Variants in RMDN2 observed in about 807,000 individuals in gnomAD.
The protein encoded by RMDN2 is regulator of microtubule dynamics 2.
RMDN2 carries 61 observed loss-of-function variants against 52.8 expected under a neutral mutation model. That is an observed-to-expected ratio of 1.16 (90% CI 0.94 to 1.43). The LOEUF is 1.43. Among genes scored for constraint, RMDN2 ranks in the 40% most tolerant of loss-of-function variants. The pLI, the probability that RMDN2 is intolerant of heterozygous loss-of-function variation, is 0.00. For synonymous variants in RMDN2, 180 were observed against 153.1 expected (o/e 1.18, Z -1.30); for missense variants, 592 against 475.3 (o/e 1.25, Z -2.28).
intron 2 of RMDN2, among the ~76,000 whole-genome samples, chr2:37,968,438 C>CAAA (rs71400332): frequency 4.9e-4 from 44 of 89,108 alleles, no homozygotes; most frequent in Admixed American, 6.8e-4. Context: ...GACTCTGTCT[C>CAAA]AAAAAAAAAA....
intron 10 of RMDN2, among the ~76,000 whole-genome samples, chr2:38,044,158 T>C (rs1681128253): frequency 6.6e-6 from 1 of 152,092 alleles, no homozygotes. Context: ...ATAATTTCAC[T>C]GGATACAGAA....
chr2:37,977,984 G>A (rs1423524233), intron 4 of RMDN2, among the ~76,000 whole-genome samples: 3 of 152,136 alleles, frequency 2.0e-5, no homozygotes, highest in Admixed American at 1.3e-4. Flanking sequence ...GGGAGGTGGA[G>A]ACTGTAGTGA....
At chr2:37,932,072 T>C (rs997828717) in intron 2 of RMDN2, among the ~76,000 whole-genome samples, 6 of 152,174 alleles carry the variant, frequency 3.9e-5, no homozygotes, top group Non-Finnish European at 8.8e-5. Flanking sequence ...TTTATTTATT[T>C]ATTTTTTTAA....
Position 37,925,389 on chromosome 2 carries a change from C to G in RMDN2, c.-53C>G, listed in dbSNP as rs1271429084. 6.6e-6 allele frequency: 1 copy of G among 152,424 alleles called. No homozygotes were observed. Among genetic ancestry groups the G allele is most frequent in the African/African-American group, 2.4e-5 (1 of 41,466 alleles). 9.4% of individuals were successfully genotyped at this position (152,424 alleles called of 1,614,324 possible). On this transcript the variant is annotated 5_prime_UTR_variant, in exon 1 of 11. Transcript: ENST00000354545. ...GCGCGCCAGCAGGTCCTGGTCTCCG[C>G]TCTCCAACAGCTGAAAGGCCGGCGC...
chr2:37,948,951 A>G (rs1403104869), intron 2 of RMDN2, among the ~76,000 whole-genome samples: 1 of 152,176 alleles, frequency 6.6e-6, no homozygotes, highest in Non-Finnish European at 1.5e-5. Flanking sequence ...TTTAGAGGCC[A>G]TTGGTGGGAG....
intron 10 of RMDN2, among the ~76,000 whole-genome samples, chr2:38,046,526 A>AAT (rs1681281060): frequency 6.6e-6 from 1 of 152,212 alleles, no homozygotes; most frequent in Non-Finnish European, 1.5e-5. Flanking sequence ...AATTTAAAAA[A>AAT]AGATAAACAA....
chr2:37,996,983 G>T (rs1219372006), intron 7 of RMDN2, among the ~76,000 whole-genome samples: 16 of 152,140 alleles, frequency 1.1e-4, no homozygotes. Flanking sequence ...GCAGCATGGA[G>T]TAGGCAGGAG....
intron 2 of RMDN2, among the ~76,000 whole-genome samples, chr2:37,946,339 G>C (rs1295689833): frequency 2.6e-5 from 4 of 152,060 alleles, no homozygotes. Flanking sequence ...CCATCTTTTA[G>C]GGTGGAGGTG....
chr2:37,950,950 G>T (rs1199610721), intron 2 of RMDN2, among the ~76,000 whole-genome samples: 2 of 151,900 alleles, frequency 1.3e-5, no homozygotes, highest in African/African-American at 2.4e-5. Flanking sequence ...CTTTCTACCT[G>T]CTTCCCTGAT....
intron 10 of RMDN2, among the ~76,000 whole-genome samples, chr2:38,009,271 G>A (rs944556687): frequency 6.6e-6 from 1 of 152,178 alleles, no homozygotes; most frequent in African/African-American, 2.4e-5. Context: ...GATTGGGGAA[G>A]TTCTCCTGGA....
In RMDN2 at chr2:37,951,532, G is replaced by C. The variant is rs138276197; in HGVS notation, c.452+21803G>C. ...AACTTTGATTCTGAAGAAGACACAG[G>C]CTTCACTGATATAAAATCTTCCTCA... On this transcript the variant is annotated intron_variant, in intron 2 of 10. Coordinates refer to ENST00000354545, the MANE Select transcript of RMDN2 (RefSeq NM_001170791.3). 1.4e-5 allele frequency: 22 copies of C among 1,612,056 alleles called. No individual in the cohort carries two copies. The African/African-American group carries it at 2.1e-4, about 16-fold the overall frequency.
At chr2:37,958,745 G>A (rs1210377797) in intron 2 of RMDN2, among the ~76,000 whole-genome samples, 1 of 150,822 alleles carries the variant, frequency 6.6e-6, no homozygotes, top group Non-Finnish European at 1.5e-5. Flanking sequence ...TCCAGCTTTT[G>A]CCCATTCAGT....
intron 6 of RMDN2, among the ~76,000 whole-genome samples, chr2:37,990,406 C>G (rs1448459407): frequency 6.8e-6 from 1 of 147,460 alleles, no homozygotes; most frequent in Non-Finnish European, 1.5e-5. Context: ...GTAATCCCAG[C>G]TACTTGGGAG....
intron 2 of RMDN2, among the ~76,000 whole-genome samples, chr2:37,962,794 C>T (rs1558477480): frequency 1.3e-5 from 2 of 152,098 alleles, no homozygotes; most frequent in Admixed American, 6.5e-5. Context: ...CAAACGGCTG[C>T]CCAGTTTTGT....
At chr2:38,022,380 A>C (rs1679452594), downstream of RMDN2, among the ~76,000 whole-genome samples, 1 of 152,188 alleles carries the variant, frequency 6.6e-6, no homozygotes, top group Non-Finnish European at 1.5e-5. Flanking sequence ...ATGGTGCTTG[A>C]CCTCAGAGAA....
At chr2:38,004,593 CTG>C (rs1676801178) in intron 10 of RMDN2, among the ~76,000 whole-genome samples, 1 of 152,094 alleles carries the variant, frequency 6.6e-6, no homozygotes, top group Non-Finnish European at 1.5e-5. Context: ...TCCTGCATAA[CTG>C]AAACTGTGTA....
chr2:38,001,730 T>C (rs1676347518), intron 8 of RMDN2, among the ~76,000 whole-genome samples: 1 of 152,132 alleles, frequency 6.6e-6, no homozygotes, highest in Non-Finnish European at 1.5e-5. Flanking sequence ...CAGTCTTAAG[T>C]CCCTCTTATT....
chr2:38,015,369 A>G (rs1329845641), intron 10 of RMDN2, among the ~76,000 whole-genome samples: 1 of 152,162 alleles, frequency 6.6e-6, no homozygotes, highest in East Asian at 1.9e-4. Flanking sequence ...GATCGAGACC[A>G]TCCTGGCCAA....
intron 2 of RMDN2, among the ~76,000 whole-genome samples, chr2:37,937,883 CT>C (rs1271826759): frequency 1.3e-5 from 2 of 152,176 alleles, no homozygotes; most frequent in Non-Finnish European, 2.9e-5. Flanking sequence ...CCCTTTATTT[CT>C]TTCTCTTTCC....
Sources: gnomAD v4.1 joint callset for allele counts (sites outside exome capture counted in the v4.1 genomes callset) on GRCh38, gnomAD v4.1.1 for gene constraint, MANE v1.5 for transcripts, NCBI Gene and HGNC (gene_info 2026-07-23, HGNC 2026-07-21) for gene names.